The following ERI1 variants were observed in gnomAD, a reference collection of about 807,000 sequenced individuals.
ERI1 encodes 3'-5' exoribonuclease 1.
In ERI1, 39 loss-of-function variants were observed where a neutral mutation model predicts 39.7. That is an observed-to-expected ratio of 0.98 (90% CI 0.76 to 1.28). The LOEUF is 1.28. Among genes scored for constraint, ERI1 ranks in the 50% most tolerant of loss-of-function variants. The pLI is 0.00. For missense variants in ERI1, 581 were observed against 416.9 expected, an observed-to-expected ratio of 1.39 and a Z score of -3.43; for synonymous variants, 204 against 149.6, an observed-to-expected ratio of 1.36 and a Z score of -2.65.
intron 6 of ERI1, among the ~76,000 whole-genome samples, chr8:9,023,301 C>T (rs1007516796): frequency 1.3e-5 from 2 of 152,020 alleles, no homozygotes; most frequent in African/African-American, 2.4e-5. Flanking sequence ...AGAGGTGTCT[C>T]TGTCTTTTGT....
In ERI1 at chr8:9,032,582, C is replaced by A. The variant is rs1797664550; in HGVS notation, c.*2548C>A. The A allele has an allele frequency of 6.6e-6, 1 of 152,154 alleles. No homozygotes were observed. Among genetic ancestry groups the A allele is most frequent in the South Asian group, 2.1e-4 (1 of 4,832 alleles). 9.4% of individuals were successfully genotyped at this position (152,154 alleles called of 1,614,324 possible). A position where few individuals can be genotyped will look rare whatever the true frequency, so the allele number is the denominator to read the frequency against. On this transcript the variant is annotated 3_prime_UTR_variant, in exon 7 of 7. Coordinates refer to ENST00000250263, the MANE Select transcript of ERI1 (RefSeq NM_153332.4). Reference sequence around the variant, plus strand: ...TTCTGCCTGGATTGAAACAAAAAAACACAGGCGTCACAAGCATGTTACCTA... The same window carrying A: ...TTCTGCCTGGATTGAAACAAAAAAAAACAGGCGTCACAAGCATGTTACCTA...
At chr8:9,084,710 C>T (rs745483793) in intron 3 of ERI1, among the ~76,000 whole-genome samples, 6 of 152,104 alleles carry the variant, frequency 3.9e-5, no homozygotes, top group Non-Finnish European at 8.8e-5. Flanking sequence ...CCTCTTTTTC[C>T]AAGGAGTTTG....
chr8:9,023,026 A>G (rs995648472), intron 6 of ERI1, among the ~76,000 whole-genome samples: 4 of 152,186 alleles, frequency 2.6e-5, no homozygotes, highest in Non-Finnish European at 5.9e-5. Context: ...CCTTCATCAA[A>G]TAGTCATAAA....
chr8:9,098,443 G>C (rs1336155637), intron 3 of ERI1, among the ~76,000 whole-genome samples: 1 of 152,174 alleles, frequency 6.6e-6, no homozygotes, highest in East Asian at 1.9e-4. Context: ...GCTTGAACCC[G>C]GGACGCAGAG....
At chr8:9,074,470 C>T (rs10105124) in intron 3 of ERI1, among the ~76,000 whole-genome samples, 1 of 152,098 alleles carries the variant, frequency 6.6e-6, no homozygotes, top group African/African-American at 2.4e-5. Context: ...GAGACAAGGT[C>T]TTGCTCTGTC....
intron 3 of ERI1, among the ~76,000 whole-genome samples, chr8:9,074,820 T>C (rs959423503): frequency 6.6e-5 from 10 of 152,214 alleles, no homozygotes; most frequent in Non-Finnish European, 1.5e-4. Context: ...CCTAAAACCT[T>C]AATTAATAGA....
intron 4 of ERI1, among the ~76,000 whole-genome samples, chr8:9,017,020 CTT>C (rs1212031690): frequency 6.6e-6 from 1 of 151,822 alleles, no homozygotes; most frequent in Non-Finnish European, 1.5e-5. Context: ...TACAACCTGA[CTT>C]TATATTTTGC....
chr8:9,077,888 C>G (rs148295803), intron 3 of ERI1, among the ~76,000 whole-genome samples: 172 of 152,334 alleles, frequency 1.1e-3, no homozygotes, highest in African/African-American at 4.0e-3. Flanking sequence ...AACACCAACC[C>G]CATCCAACCT....
chr8:9,042,489 T>G (rs1798057970), intron 3 of ERI1, among the ~76,000 whole-genome samples: 1 of 152,194 alleles, frequency 6.6e-6, no homozygotes, highest in African/African-American at 2.4e-5. Flanking sequence ...CCTACTCTTG[T>G]GTCACTCAAG....
chr8:9,054,361 TC>T (rs1798445174), intron 3 of ERI1, among the ~76,000 whole-genome samples: 1 of 152,226 alleles, frequency 6.6e-6, no homozygotes, highest in Admixed American at 6.5e-5. Context: ...CAAATACATT[TC>T]TTCTCTTTTT....
At chr8:9,065,707 A>G (rs1235513012) in intron 3 of ERI1, among the ~76,000 whole-genome samples, 42 of 71,370 alleles carry the variant, frequency 5.9e-4, no homozygotes, top group Non-Finnish European at 1.3e-3. Context: ...AAAAAAAAAA[A>G]AAAAAAAGGC....
intron 6 of ERI1, among the ~76,000 whole-genome samples, chr8:9,029,162 C>A (rs764786743): frequency 1.4e-4 from 21 of 151,858 alleles, no homozygotes; most frequent in Non-Finnish European, 2.4e-4. Flanking sequence ...TGTAAAATAA[C>A]TAACTTGGTT....
chr8:9,045,224 A>C (rs1798138775), intron 3 of ERI1, among the ~76,000 whole-genome samples: 1 of 118,236 alleles, frequency 8.5e-6, no homozygotes, highest in East Asian at 2.5e-4. Context: ...CGACAGAGTG[A>C]GACTCTGTCT....
intron 1 of ERI1, among the ~76,000 whole-genome samples, chr8:9,006,099 C>G (rs1336320527): frequency 3.9e-5 from 6 of 152,174 alleles, no homozygotes; most frequent in Non-Finnish European, 7.4e-5. Flanking sequence ...ATTTCGTAAA[C>G]TAATTTTGTC....
intron 3 of ERI1, among the ~76,000 whole-genome samples, chr8:9,063,687 GGACAT>G (rs1244518147): frequency 1.3e-5 from 2 of 152,130 alleles, no homozygotes; most frequent in African/African-American, 4.8e-5. Context: ...AAGAATGCCT[GGACAT>G]CGGGCATCTC....
intron 1 of ERI1, 60 bp downstream of exon 1, chr8:9,003,231 C>T (rs972429282): frequency 2.8e-6 from 3 of 1,054,798 alleles, no homozygotes; most frequent in Non-Finnish European, 3.6e-6. Context: ...AAAGCGCCCT[C>T]GGCACCCCTT....
intron 3 of ERI1, among the ~76,000 whole-genome samples, chr8:9,063,640 C>G (rs910567308): frequency 1.3e-5 from 2 of 152,050 alleles, no homozygotes; most frequent in Admixed American, 6.6e-5. Context: ...GGATGAGTTG[C>G]ATGGGGAACA....
chr8:9,028,973 GTTTTTTTTTTTTTTTTT>G (rs34569795), intron 6 of ERI1, among the ~76,000 whole-genome samples: 1 of 113,104 alleles, frequency 8.8e-6, no homozygotes, highest in Non-Finnish European at 1.8e-5. Context: ...GAGTGTGAGA[GTTTTTTTTTTTTTTTTT>G]TTTTTTTAAC....
intron 2 of ERI1, chr8:9,009,236 T>C: frequency 8.7e-6 from 3 of 345,108 alleles, no homozygotes; most frequent in South Asian, 6.7e-5. Flanking sequence ...TTCCCCACTT[T>C]GGCAATCTCA....
Sources: allele counts gnomAD v4.1 joint callset (sites outside exome capture counted in the v4.1 genomes callset), GRCh38; gene constraint gnomAD v4.1.1; transcripts MANE v1.5; gene names NCBI Gene and HGNC (gene_info 2026-07-23, HGNC 2026-07-21).